Variants in CTNNA1 observed in about 807,000 individuals in gnomAD.
The protein encoded by CTNNA1 is catenin alpha 1.
Under a neutral mutation model 98.4 loss-of-function variants are expected in CTNNA1, and 37 were observed. That is an observed-to-expected ratio of 0.38 (90% CI 0.29 to 0.49). CTNNA1 has a LOEUF of 0.49. Ranked by LOEUF, CTNNA1 falls within the 20% of genes least tolerant of loss-of-function variation. The pLI, the probability that CTNNA1 is intolerant of heterozygous loss-of-function variation, is 0.95. For missense variants in CTNNA1, 761 were observed against 1,147.2 expected (o/e 0.66, Z 4.86); for synonymous variants, 404 against 413.2 (o/e 0.98, Z 0.27).
At chr5:138,766,663 T>C (rs1048124052) in intron 1 of CTNNA1, among the ~76,000 whole-genome samples, 1 of 151,878 alleles carries the variant, frequency 6.6e-6, no homozygotes, top group Non-Finnish European at 1.5e-5. Flanking sequence ...GGGACCTGGA[T>C]TGGTGGAACT....
chr5:138,897,603 T>A (rs1415678516), intron 9 of CTNNA1, among the ~76,000 whole-genome samples: 2 of 152,066 alleles, frequency 1.3e-5, no homozygotes, highest in African/African-American at 2.4e-5. Context: ...TTTCTCAGAT[T>A]ATGGAATGTT....
At chr5:138,840,257 T>C (rs971448836) in intron 7 of CTNNA1, among the ~76,000 whole-genome samples, 18 of 152,174 alleles carry the variant, frequency 1.2e-4, no homozygotes, top group African/African-American at 4.3e-4. Flanking sequence ...ACAGGTGCTT[T>C]ATAGCTTTCT....
chr5:138,780,682 A>T (rs528633288), intron 1 of CTNNA1, among the ~76,000 whole-genome samples: 2 of 151,046 alleles, frequency 1.3e-5, no homozygotes, highest in African/African-American at 4.9e-5. Flanking sequence ...CAGCCTGGCT[A>T]ATTTTGTATT....
At chr5:138,834,686 G>A (rs1761604469) in intron 7 of CTNNA1, among the ~76,000 whole-genome samples, 1 of 152,016 alleles carries the variant, frequency 6.6e-6, no homozygotes, top group African/African-American at 2.4e-5. Flanking sequence ...ATAAATACTG[G>A]AATCTAAATT....
intron 1 of CTNNA1, among the ~76,000 whole-genome samples, chr5:138,781,622 G>A (rs1255942879): frequency 6.6e-6 from 1 of 152,104 alleles, no homozygotes; most frequent in African/African-American, 2.4e-5. Flanking sequence ...TAAAGGTGGG[G>A]CAGATAAAGT....
At chr5:138,851,673 C>T (rs1447106408) in intron 7 of CTNNA1, among the ~76,000 whole-genome samples, 2 of 152,028 alleles carry the variant, frequency 1.3e-5, no homozygotes, top group African/African-American at 2.4e-5. Flanking sequence ...GCTGGAGAAT[C>T]GCTTGAACCT....
At chr5:138,904,670 C>A in intron 10 of CTNNA1, 1 of 534,272 alleles carries the variant, frequency 1.9e-6, no homozygotes, top group Non-Finnish European at 3.1e-6. Context: ...TGAAAATGCA[C>A]AGTGGGCTGG....
Position 138,802,577 on chromosome 5 carries a change from A to G in CTNNA1, c.302-7461A>G, listed in dbSNP as rs1055355269. On this transcript the variant is annotated intron_variant, in intron 3 of 17. Coordinates refer to ENST00000302763, the MANE Select transcript of CTNNA1 (RefSeq NM_001903.5). The stretch of plus-strand genomic sequence containing the variant: ...AATTTTTAAAGGTTACGGGAGAATC[A>G]TAATTCTCTGTGATTAATCTCTGAT... Among the ~76,000 whole-genome samples the G allele has an allele frequency of 1.2e-4, 19 of 152,320 alleles. 1 individual carries two copies. Among genetic ancestry groups the G allele is most frequent in the African/African-American group, 4.1e-4 (17 of 41,572 alleles).
chr5:138,907,245 C>T (rs1265359931), intron 10 of CTNNA1, among the ~76,000 whole-genome samples: 2 of 152,204 alleles, frequency 1.3e-5, no homozygotes, highest in African/African-American at 2.4e-5. Context: ...TGGTCTTGAA[C>T]TCCTGGCCTC....
At chr5:138,861,792 G>T (rs1449386022) in intron 7 of CTNNA1, among the ~76,000 whole-genome samples, 1 of 152,154 alleles carries the variant, frequency 6.6e-6, no homozygotes, top group African/African-American at 2.4e-5. Flanking sequence ...AAAGAGAAGC[G>T]TGGACTGAAA....
chr5:138,804,458 GTTAGTCCTCATTC>G (rs1757883466), intron 3 of CTNNA1, among the ~76,000 whole-genome samples: 1 of 152,200 alleles, frequency 6.6e-6, no homozygotes, highest in African/African-American at 2.4e-5. Context: ...CCTGTTGGAA[GTTAGTCCTCATTC>G]TTACCTGCTT....
At position 138,908,487 on chromosome 5, in the gene CTNNA1, G is replaced by A. The variant is rs1457347434; in HGVS notation, c.1389+4046G>A. Among the ~76,000 whole-genome samples the A allele has an allele frequency of 2.6e-5, 4 of 152,250 alleles. No homozygotes were observed. In the East Asian group the frequency reaches 7.7e-4, roughly 29 times the overall value. On this transcript the variant is annotated intron_variant, in intron 10 of 17. Coordinates refer to ENST00000302763, the MANE Select transcript of CTNNA1 (RefSeq NM_001903.5). ...TTTCAAGACCAGCCTGGGCAACAGA[G>A]CGAGACCCCATCTCCTAAAATAAAA... is the stretch of plus-strand genomic sequence containing the variant.
intron 9 of CTNNA1, among the ~76,000 whole-genome samples, chr5:138,892,371 GCT>G (rs1236180648): frequency 3.1e-5 from 3 of 98,150 alleles, no homozygotes; most frequent in Non-Finnish European, 5.4e-5. Flanking sequence ...ACAGAGTCTT[GCT>G]CTGTCGCCCA....
At chr5:138,824,398 A>T in intron 5 of CTNNA1, 132 bp from the exon 6 acceptor site, 1 of 1,015,858 alleles carries the variant, frequency 9.8e-7, no homozygotes. Context: ...TTGACTCTCA[A>T]CTAGATTGTT....
chr5:138,770,750 A>C (rs547717131), intron 1 of CTNNA1, among the ~76,000 whole-genome samples: 2 of 152,298 alleles, frequency 1.3e-5, no homozygotes, highest in African/African-American at 4.8e-5. Flanking sequence ...CAGGAGAGTG[A>C]GACCCTCCTG....
intron 16 of CTNNA1, chr5:138,931,699 T>C: frequency 1.0e-6 from 1 of 985,440 alleles, no homozygotes; most frequent in Non-Finnish European, 1.2e-6. Context: ...TTCTTTCCTC[T>C]CTCCACTTCC....
At chr5:138,865,419 C>T (rs1000197839) in intron 7 of CTNNA1, among the ~76,000 whole-genome samples, 4 of 152,186 alleles carry the variant, frequency 2.6e-5, no homozygotes, top group African/African-American at 9.7e-5. Context: ...TCTCTAGAAC[C>T]TCCTTAGAGG....
chr5:138,811,971 G>A (rs1464528151), intron 4 of CTNNA1: 2 of 435,696 alleles, frequency 4.6e-6, no homozygotes, highest in South Asian at 2.6e-5. Flanking sequence ...AGGGAATTTT[G>A]TACTTTTAGA....
At chr5:138,898,163 C>T (rs1757291490) in intron 9 of CTNNA1, among the ~76,000 whole-genome samples, 1 of 144,936 alleles carries the variant, frequency 6.9e-6, no homozygotes, top group African/African-American at 2.6e-5. Context: ...CCCCCACCCC[C>T]CCCCACCCCT....
Sources: gnomAD v4.1 joint callset for allele counts (sites outside exome capture counted in the v4.1 genomes callset) on GRCh38, gnomAD v4.1.1 for gene constraint, MANE v1.5 for transcripts, NCBI Gene and HGNC (gene_info 2026-07-23, HGNC 2026-07-21) for gene names.